SORCS3: variants seen among roughly 807,000 people sequenced by gnomAD.
The protein encoded by SORCS3 is VPS10 domain-containing receptor SorCS3.
In SORCS3, 57 loss-of-function variants were observed where a neutral mutation model predicts 146.3. That is an observed-to-expected ratio of 0.39 (90% CI 0.31 to 0.49). The LOEUF is 0.49. SORCS3 is among the 20% of genes least tolerant of loss of function. The pLI is 0.92. For missense variants in SORCS3, 1,341 were observed against 1,575.5 expected (o/e 0.85, Z 2.52); for synonymous variants, 653 against 618.5 (o/e 1.06, Z -0.83).
At chr10:105,217,745 G>T (rs898524575) in intron 19 of SORCS3, 1 of 449,626 alleles carries the variant, frequency 2.2e-6, no homozygotes, top group Non-Finnish European at 4.5e-6. Context: ...AAGAACAGTT[G>T]GTGTTCCAAA....
chr10:104,658,139 G>A (rs184153990), intron 1 of SORCS3, among the ~76,000 whole-genome samples: 195 of 152,296 alleles, frequency 1.3e-3, no homozygotes, highest in African/African-American at 3.5e-3. Flanking sequence ...TAAAGAAATG[G>A]GGTAGGGCAG....
rs117301794 is a variant in SORCS3, at chr10:104,683,716, G to A, written c.627+41762G>A. 4.1e-4 allele frequency among the ~76,000 whole-genome samples: 63 copies of A among 152,244 alleles called. No homozygotes were observed. In the East Asian group the frequency reaches 0.01, roughly 24 times the overall value. On this transcript the variant is annotated intron_variant, in intron 1 of 26. Coordinates refer to ENST00000369701, the MANE Select transcript of SORCS3 (RefSeq NM_014978.3). ...CTTAGGACTTAGAAGTGACAGGCTC[G>A]CCAGTTGGCTCCCTGGCAGCACCAG...
At chr10:104,695,679 T>C (rs1463970363) in intron 1 of SORCS3, among the ~76,000 whole-genome samples, 3 of 151,950 alleles carry the variant, frequency 2.0e-5, no homozygotes, top group Non-Finnish European at 4.4e-5. Context: ...ACATATTATC[T>C]TTTTGAAAAT....
At chr10:105,056,842 A>G (rs1444750990) in intron 5 of SORCS3, among the ~76,000 whole-genome samples, 1 of 152,230 alleles carries the variant, frequency 6.6e-6, no homozygotes, top group East Asian at 1.9e-4. Flanking sequence ...TTAACACAAT[A>G]CTTTCTTCCT....
At chr10:105,071,070 G>A (rs2055553562) in intron 5 of SORCS3, among the ~76,000 whole-genome samples, 1 of 152,164 alleles carries the variant, frequency 6.6e-6, no homozygotes, top group Non-Finnish European at 1.5e-5. Context: ...TCCATTTGGA[G>A]AGTGTAGGAC....
intron 20 of SORCS3, among the ~76,000 whole-genome samples, chr10:105,231,197 A>G (rs2056763498): frequency 6.6e-6 from 1 of 152,204 alleles, no homozygotes; most frequent in Non-Finnish European, 1.5e-5. Context: ...ACCTATTCAA[A>G]GTGTGATTGT....
At chr10:104,943,225 G>A (rs1270107391) in intron 3 of SORCS3, among the ~76,000 whole-genome samples, 1 of 152,144 alleles carries the variant, frequency 6.6e-6, no homozygotes, top group Non-Finnish European at 1.5e-5. Context: ...CGCCTCTTAA[G>A]TTCAAGCAAT....
intron 1 of SORCS3, among the ~76,000 whole-genome samples, chr10:104,785,517 C>T (rs1013231317): frequency 2.1e-5 from 3 of 145,802 alleles, no homozygotes; most frequent in Non-Finnish European, 3.0e-5. Flanking sequence ...GACCTTCCCT[C>T]CACTATTGTC....
At chr10:104,973,280 C>G (rs1271454903) in intron 3 of SORCS3, among the ~76,000 whole-genome samples, 1 of 150,952 alleles carries the variant, frequency 6.6e-6, no homozygotes, top group Non-Finnish European at 1.5e-5. Flanking sequence ...GTACCAGTTC[C>G]TCCTTGTACC....
intron 1 of SORCS3, among the ~76,000 whole-genome samples, chr10:104,726,835 A>G (rs1216276236): frequency 1.3e-5 from 2 of 152,126 alleles, no homozygotes; most frequent in Non-Finnish European, 2.9e-5. Context: ...CTCCCCCAGA[A>G]TAGGACCAGC....
intron 5 of SORCS3, among the ~76,000 whole-genome samples, chr10:105,052,227 G>A (rs1267567063): frequency 6.6e-6 from 1 of 152,124 alleles, no homozygotes; most frequent in Middle Eastern, 3.2e-3. Flanking sequence ...AAAGATTTGT[G>A]TGCATTAAAC....
At chr10:105,211,583 A>G (rs573857177) in intron 17 of SORCS3, among the ~76,000 whole-genome samples, 31 of 152,296 alleles carry the variant, frequency 2.0e-4, no homozygotes, top group African/African-American at 7.2e-4. Context: ...TGATGTGCAG[A>G]TATTACACTA....
At chr10:105,024,912 T>C (rs1264085884) in intron 4 of SORCS3, among the ~76,000 whole-genome samples, 1 of 152,248 alleles carries the variant, frequency 6.6e-6, no homozygotes, top group Non-Finnish European at 1.5e-5. Context: ...TCTGCTTTGT[T>C]AAGTGCAATG....
chr10:105,044,550 AACAAATACCTTGTAC>A (rs1434924185), intron 5 of SORCS3, among the ~76,000 whole-genome samples: 1 of 152,164 alleles, frequency 6.6e-6, no homozygotes, highest in Non-Finnish European at 1.5e-5. Flanking sequence ...AGATGGTGGT[AACAAATACCTTGTAC>A]ATACACACAT....
chr10:105,042,284 G>A (rs2055343169), intron 4 of SORCS3, among the ~76,000 whole-genome samples: 1 of 152,226 alleles, frequency 6.6e-6, no homozygotes, highest in Non-Finnish European at 1.5e-5. Context: ...GAATGCTTAA[G>A]AGCAGGGATT....
At chr10:105,185,896 A>G (rs1204461121) in intron 14 of SORCS3, among the ~76,000 whole-genome samples, 2 of 152,224 alleles carry the variant, frequency 1.3e-5, no homozygotes, top group African/African-American at 2.4e-5. Flanking sequence ...ATTTATAAAA[A>G]TAATATTCTT....
intron 3 of SORCS3, among the ~76,000 whole-genome samples, chr10:104,938,111 T>A (rs991066949): frequency 6.6e-6 from 1 of 152,204 alleles, no homozygotes; most frequent in Non-Finnish European, 1.5e-5. Context: ...GCTTGCTTCT[T>A]TCTTTACTGT....
At chr10:105,232,362 A>G (rs2930464) in intron 20 of SORCS3, among the ~76,000 whole-genome samples, 2,680 of 152,176 alleles carry the variant, frequency 0.018, 88 homozygotes, top group African/African-American at 0.062. Context: ...CACCATTTTA[A>G]TATCTATAAG....
intron 2 of SORCS3, among the ~76,000 whole-genome samples, chr10:104,843,708 C>G (rs1012025406): frequency 2.0e-5 from 3 of 152,204 alleles, no homozygotes; most frequent in Non-Finnish European, 4.4e-5. Context: ...CACACACTTA[C>G]GCCTATACCT....
Sources: gnomAD v4.1 joint callset for allele counts (sites outside exome capture counted in the v4.1 genomes callset) on GRCh38, gnomAD v4.1.1 for gene constraint, MANE v1.5 for transcripts, NCBI Gene and HGNC (gene_info 2026-07-23, HGNC 2026-07-21) for gene names.